Variants in HAO2 observed in about 807,000 individuals in gnomAD.
HAO2 encodes the protein 2-Hydroxyacid oxidase 2.
In HAO2, 42 loss-of-function variants were observed where a neutral mutation model predicts 37.4. That is an observed-to-expected ratio of 1.12 (90% CI 0.88 to 1.45). HAO2 has a LOEUF of 1.45. Among genes scored for constraint, HAO2 ranks in the 40% most tolerant of loss-of-function variants. HAO2 has a pLI of 0.00. For missense variants in HAO2, 476 were observed against 430.2 expected, an observed-to-expected ratio of 1.11 and a Z score of -0.94; for synonymous variants, 180 against 162.8, an observed-to-expected ratio of 1.11 and a Z score of -0.81.
chr1:119,368,885 G>C lies in HAO2; in HGVS notation c.-26G>C, dbSNP rs969965074. The C allele has an allele frequency of 6.6e-6, 1 of 152,196 alleles. No homozygotes were observed. Among genetic ancestry groups the C allele is most frequent in the African/African-American group, 2.4e-5 (1 of 41,418 alleles). 9.4% of individuals were successfully genotyped at this position (152,196 alleles called of 1,614,324 possible). The stretch of plus-strand genomic sequence containing the variant: ...CTAAACACTTCTTTCCCTGAGGACT[G>C]GAAGACATTAGAATAAGGTTTGTCA... On this transcript the variant is annotated 5_prime_UTR_variant, in exon 1 of 8. Transcript: ENST00000325945.
chr1:119,381,032 A>G, intron 1 of HAO2, 46 bp from the exon 2 acceptor site: 1 of 1,562,280 alleles, frequency 6.4e-7, no homozygotes, highest in Non-Finnish European at 8.8e-7. Flanking sequence ...TCTGCATCTG[A>G]AGTGTTCTCA....
intron 4 of HAO2, 152 bp downstream of exon 4, chr1:119,385,205 A>G (rs1228526059): frequency 2.1e-6 from 3 of 1,427,534 alleles, no homozygotes; most frequent in Non-Finnish European, 2.7e-6. Context: ...CAAAAAGCAG[A>G]TATGGTTCCT....
At chr1:119,374,991 C>T (rs1162617927) in intron 1 of HAO2, among the ~76,000 whole-genome samples, 4 of 152,156 alleles carry the variant, frequency 2.6e-5, no homozygotes, top group Non-Finnish European at 5.9e-5. Context: ...TTTTACCTCA[C>T]TGTTTTATCA....
At chr1:119,389,155 T>C (rs184662844) in intron 5 of HAO2, among the ~76,000 whole-genome samples, 8 of 82,226 alleles carry the variant, frequency 9.7e-5, no homozygotes, top group African/African-American at 3.6e-4. Flanking sequence ...TATATATATA[T>C]ATATATATAT....
chr1:119,371,809 C>T (rs1468510929), intron 1 of HAO2, among the ~76,000 whole-genome samples: 2 of 152,144 alleles, frequency 1.3e-5, no homozygotes, highest in Non-Finnish European at 1.5e-5. Flanking sequence ...ATATTATTGT[C>T]GTTATTATTA....
chr1:119,385,757 G>T, intron 4 of HAO2: 10 of 985,216 alleles, frequency 1.0e-5, no homozygotes, highest in Non-Finnish European at 1.2e-5. Context: ...CAACCAGTGG[G>T]CAACTGTGAC....
chr1:119,377,829 G>A (rs1286074744), intron 1 of HAO2, among the ~76,000 whole-genome samples: 1 of 152,212 alleles, frequency 6.6e-6, no homozygotes, highest in Non-Finnish European at 1.5e-5. Context: ...CACTTTGGGA[G>A]GCCAAGGTGG....
intron 1 of HAO2, chr1:119,370,043 C>T (rs1648853685): frequency 6.6e-6 from 1 of 152,152 alleles, no homozygotes; most frequent in Non-Finnish European, 1.5e-5. Context: ...TACCCTTTTC[C>T]AAATGGCGTT....
intron 3 of HAO2, 25 bp downstream of exon 3, chr1:119,383,091 C>A: frequency 2.5e-6 from 4 of 1,584,718 alleles, no homozygotes; most frequent in East Asian, 2.3e-5. Flanking sequence ...CACCTCGAGG[C>A]TCCTTTCCGG....
intron 6 of HAO2, 77 bp from the exon 7 acceptor site, chr1:119,392,541 C>G: frequency 1.0e-6 from 1 of 957,626 alleles, no homozygotes; most frequent in East Asian, 2.4e-5. Context: ...CTGACTACAT[C>G]TAGAATTTAT....
chr1:119,376,073 T>C (rs587710699), intron 1 of HAO2, among the ~76,000 whole-genome samples: 1 of 152,248 alleles, frequency 6.6e-6, no homozygotes, highest in South Asian at 2.1e-4. Flanking sequence ...AATTTCAGCA[T>C]TAACTCAAAA....
In HAO2 at chr1:119,392,780, A is replaced by T. The variant is rs1387727644; in HGVS notation, c.1000+93A>T. The stretch of plus-strand genomic sequence containing the variant: ...CTTCCCTCTAGCAGACCCTTTCCTG[A>T]TGTGGTAGCTGTCCAAAAGATAGGA... On this transcript the variant is annotated intron_variant, in intron 7 of 7. Transcript: ENST00000325945. 3.6e-6 allele frequency: 3 copies of T among 828,678 alleles called. No homozygotes were observed. The East Asian group carries it at 7.3e-5, about 20-fold the overall frequency. The allele number at this position is 828,678 out of a possible 1,614,324, so 51.3% of individuals were successfully genotyped here.
chr1:119,391,547 T>TA (rs1650902974), intron 5 of HAO2, among the ~76,000 whole-genome samples: 1 of 152,212 alleles, frequency 6.6e-6, no homozygotes, highest in African/African-American at 2.4e-5. Flanking sequence ...TGTACTTTAG[T>TA]CCTATCTCAT....
Position 119,394,028 on chromosome 1 carries a change from T to C in HAO2, c.*188T>C. Reference sequence around the variant, plus strand: ...CCAAACCCCTGTGTTCCCCAAATGTTCCATGCCCTTCTTTGTATCACTGAC... The same window carrying C: ...CCAAACCCCTGTGTTCCCCAAATGTCCCATGCCCTTCTTTGTATCACTGAC... On this transcript the variant is annotated 3_prime_UTR_variant, in exon 8 of 8. Transcript: ENST00000325945. 7.1e-7 allele frequency: 1 copy of C among 1,407,530 alleles called. No individual in the cohort carries two copies. Among genetic ancestry groups the C allele is most frequent in the Non-Finnish European group, 9.3e-7 (1 of 1,076,348 alleles). 87.2% of individuals were successfully genotyped at this position (1,407,530 alleles called of 1,614,324 possible).
chr1:119,369,625 C>A (rs770942760), intron 1 of HAO2, among the ~76,000 whole-genome samples: 1 of 152,170 alleles, frequency 6.6e-6, no homozygotes, highest in Non-Finnish European at 1.5e-5. Context: ...CTCACAAGAT[C>A]CCTATGAGAT....
At chr1:119,393,739 G>C (rs587740725) in intron 7 of HAO2, 46 bp from the exon 8 acceptor site, 2 of 1,554,656 alleles carry the variant, frequency 1.3e-6, no homozygotes, top group East Asian at 2.2e-5. Context: ...GAGGTGAGTT[G>C]CTTGTGTTTG....
chr1:119,375,127 T>TAAAA (rs1649344227), intron 1 of HAO2, among the ~76,000 whole-genome samples: 1 of 151,400 alleles, frequency 6.6e-6, no homozygotes, highest in Non-Finnish European at 1.5e-5. Flanking sequence ...GCAGTAGGAA[T>TAAAA]AAAAAAGGAA....
At chr1:119,383,307 T>C (rs1307512420) in intron 3 of HAO2, among the ~76,000 whole-genome samples, 2 of 152,212 alleles carry the variant, frequency 1.3e-5, no homozygotes, top group Non-Finnish European at 2.9e-5. Flanking sequence ...AAGAAGGTGC[T>C]AAAATTTAAC....
At chr1:119,387,745 A>G (rs12032036) in intron 5 of HAO2, among the ~76,000 whole-genome samples, 5,881 of 152,276 alleles carry the variant, frequency 0.039, 252 homozygotes, top group East Asian at 0.19. Flanking sequence ...GTATGAACAG[A>G]CAACTATATA....
Sources: gnomAD v4.1 joint callset for allele counts (sites outside exome capture counted in the v4.1 genomes callset) on GRCh38, gnomAD v4.1.1 for gene constraint, MANE v1.5 for transcripts, NCBI Gene and HGNC (gene_info 2026-07-23, HGNC 2026-07-21) for gene names.